DNAH11: variants seen among roughly 807,000 people sequenced by gnomAD.
The protein encoded by DNAH11 is dynein axonemal heavy chain 11, also known as axonemal beta dynein heavy chain 11.
In DNAH11, 442 loss-of-function variants were observed where a neutral mutation model predicts 526.0. The ratio of observed to expected loss-of-function variants is 0.84; its 90% CI spans 0.78 to 0.91. The LOEUF is 0.91. DNAH11 is among the 40% of genes least tolerant of loss of function. The pLI, the probability that DNAH11 is intolerant of heterozygous loss-of-function variation, is 0.00. For synonymous variants in DNAH11, 2,461 were observed against 1,935.9 expected (o/e 1.27, Z -7.12); for missense variants, 6,989 against 5,448.7 (o/e 1.28, Z -8.90).
intron 30 of DNAH11, among the ~76,000 whole-genome samples, chr7:21,674,817 T>G (rs911396533): frequency 6.6e-6 from 1 of 151,834 alleles, no homozygotes; most frequent in African/African-American, 2.4e-5. Flanking sequence ...CAGTGCACAT[T>G]AGCTCTTCTC....
chr7:21,765,579 A>C lies in DNAH11; in HGVS notation c.9092A>C (p.Lys3031Thr). Reference protein sequence around the residue: ...SVSRRFIEETKGIEPVHKDSI... With the variant: ...SVSRRFIEETTGIEPVHKDSI... Reference sequence around the variant, plus strand: ...AGCAGGAGGTTCATTGAGGAAACCAAGGGAATTGAGGTATGCCGTGTCAGC... The same window carrying C: ...AGCAGGAGGTTCATTGAGGAAACCACGGGAATTGAGGTATGCCGTGTCAGC... The change falls in exon 55 of 82, where the codon AAG (lysine) becomes ACG (threonine). Residue 3031 changes from lysine (K) to threonine (T), a missense_variant. Coordinates refer to ENST00000409508, the MANE Select transcript of DNAH11 (RefSeq NM_001277115.2). The C allele has an allele frequency of 6.4e-7, 1 of 1,559,536 alleles. No homozygotes were observed. Among genetic ancestry groups the C allele is most frequent in the East Asian group, 2.3e-5 (1 of 43,246 alleles).
At chr7:21,570,523 C>G in intron 7 of DNAH11, 1 of 412,014 alleles carries the variant, frequency 2.4e-6, no homozygotes, top group Non-Finnish European at 4.3e-6. Context: ...TCCATTATTA[C>G]ATTGAGTATA....
At chr7:21,578,416 G>T (rs188502639) in intron 8 of DNAH11, among the ~76,000 whole-genome samples, 8 of 152,196 alleles carry the variant, frequency 5.3e-5, no homozygotes, top group Non-Finnish European at 1.2e-4. Context: ...TATAAGAGGT[G>T]GGCTTCCAAG....
At position 21,842,598 on chromosome 7, in the gene DNAH11, C is replaced by G. The variant is rs1180673603; in HGVS notation, c.10746C>G (p.Ile3582Met). ...AATTTAACAAGAACTTTCGCCTTATCCTTCACACAAAATTGGCAAATCCTC... is the reference window on the plus strand; with the variant it reads ...AATTTAACAAGAACTTTCGCCTTATGCTTCACACAAAATTGGCAAATCCTC... The part of the protein sequence containing the change: ...ECEFNKNFRL[I>M]LHTKLANPHY... The change falls in exon 66 of 82, where the codon ATC becomes ATG. Residue 3582 changes from isoleucine to methionine, a missense_variant. By Grantham distance (10) the Ile-to-Met change is conservative. Coordinates refer to ENST00000409508, the MANE Select transcript of DNAH11 (RefSeq NM_001277115.2). 4 of 1,613,848 alleles carry G rather than the reference C, an allele frequency of 2.5e-6. No individual in the cohort carries two copies. Among genetic ancestry groups the G allele is most frequent in the Admixed American group, 3.3e-5 (2 of 60,012 alleles).
At chr7:21,806,446 G>C (rs887422055) in intron 62 of DNAH11, among the ~76,000 whole-genome samples, 27 of 152,122 alleles carry the variant, frequency 1.8e-4, no homozygotes, top group African/African-American at 6.5e-4. Flanking sequence ...AGTTAACTTG[G>C]GGTGATCTTT....
At chr7:21,641,072 A>T (rs569843514) in intron 28 of DNAH11, among the ~76,000 whole-genome samples, 33 of 152,264 alleles carry the variant, frequency 2.2e-4, no homozygotes, top group South Asian at 2.1e-3. Context: ...AGCCACCCCC[A>T]CTTTAATCCT....
chr7:21,859,573 T>C lies in DNAH11; in HGVS notation c.11203-2280T>C, dbSNP rs541347217. On this transcript the variant is annotated intron_variant, in intron 68 of 81. Transcript: ENST00000409508. Reference sequence around the variant, plus strand: ...AAGCTATACTTTGTTAATGCCTTCTTACCAATGTTTACTGTATATATCTGT... The same window carrying C: ...AAGCTATACTTTGTTAATGCCTTCTCACCAATGTTTACTGTATATATCTGT... Among the ~76,000 whole-genome samples the C allele has an allele frequency of 1.7e-4, 26 of 152,334 alleles. 2 individuals carry two copies. The highest frequency in any genetic ancestry group is 1.7e-3 in the South Asian group (8 of 4,820).
At chr7:21,891,798 G>A (rs2128047275) in intron 76 of DNAH11, among the ~76,000 whole-genome samples, 1 of 152,292 alleles carries the variant, frequency 6.6e-6, no homozygotes, top group South Asian at 2.1e-4. Flanking sequence ...AAAGTCCTGG[G>A]AAGGTAGGAT....
Position 21,644,338 on chromosome 7 carries a change from T to G in DNAH11, c.4944+5273T>G, listed in dbSNP as rs114685922. ...GTAAAAGTGTCTCAGCATATGAATT[T>G]TAAGAGGATGGAGCTCAATAATCAT... On this transcript the variant is annotated intron_variant, in intron 28 of 81. Transcript: ENST00000409508. 2.8e-3 allele frequency among the ~76,000 whole-genome samples: 419 copies of G among 152,264 alleles called. 2 individuals are homozygous for G. Among genetic ancestry groups the G allele is most frequent in the African/African-American group, 9.7e-3 (403 of 41,558 alleles).
rs1271974995 is a variant in DNAH11, at chr7:21,808,034, C to G, written c.10317C>G (p.Pro3439=). The change falls in exon 63 of 82, where the codon CCC becomes CCG. Residue 3439 remains proline, a synonymous_variant. Transcript: ENST00000409508. ...RQELVHCKWV[P]FLQQKVSIPL... is the part of the protein sequence containing the mutation. ...AGCTGGTGCACTGCAAGTGGGTTCC[C>G]TTTCTTCAACAGAAGGTAAGTTCAG... 9 of 1,541,030 alleles carry G rather than the reference C, an allele frequency of 5.8e-6. No homozygotes were observed. Among genetic ancestry groups the G allele is most frequent in the Admixed American group, 5.4e-5 (3 of 55,566 alleles).
chr7:21,621,437 A>G (rs1459886185), intron 25 of DNAH11, among the ~76,000 whole-genome samples: 3 of 152,160 alleles, frequency 2.0e-5, no homozygotes, highest in East Asian at 3.8e-4. Flanking sequence ...ATTCCAATCA[A>G]TAGAAAAAGA....
chr7:21,702,321 C>A (rs369092909), intron 36 of DNAH11, among the ~76,000 whole-genome samples: 21 of 152,132 alleles, frequency 1.4e-4, no homozygotes, highest in African/African-American at 5.1e-4. Context: ...AAGTAGAATA[C>A]CAGGGCCCTT....
chr7:21,893,759 T>C lies in DNAH11; in HGVS notation c.12751-864T>C, dbSNP rs1014056705. Among the ~76,000 whole-genome samples, 3 of 152,220 alleles carry C rather than the reference T, an allele frequency of 2.0e-5. No individual in the cohort carries two copies. The South Asian group carries it at 6.2e-4, about 32-fold the overall frequency. On this transcript the variant is annotated intron_variant, in intron 77 of 81. Transcript: ENST00000409508. ...AGCAACAATTACAGAAGATAGAAGT[T>C]TCTTTGTTAAAAATGTTGATGTAAA... is the stretch of plus-strand genomic sequence containing the variant.
chr7:21,660,167 A>G (rs565340205), intron 30 of DNAH11, among the ~76,000 whole-genome samples: 1 of 152,192 alleles, frequency 6.6e-6, no homozygotes, highest in Admixed American at 6.6e-5. Flanking sequence ...TTTCATGGAC[A>G]TAAATAACTG....
intron 31 of DNAH11, among the ~76,000 whole-genome samples, chr7:21,682,057 T>G (rs1405410523): frequency 6.6e-6 from 1 of 152,198 alleles, no homozygotes; most frequent in Non-Finnish European, 1.5e-5. Flanking sequence ...TGTATGTGAT[T>G]TAAACCATGT....
intron 8 of DNAH11, among the ~76,000 whole-genome samples, chr7:21,578,606 C>T (rs1420828529): frequency 6.6e-6 from 1 of 152,158 alleles, no homozygotes; most frequent in Non-Finnish European, 1.5e-5. Context: ...TAGGTAGTAC[C>T]CCAGTGGGGA....
At chr7:21,750,165 T>A (rs887931896) in intron 53 of DNAH11, 57 bp from the exon 54 acceptor site, 1 of 1,502,080 alleles carries the variant, frequency 6.7e-7, no homozygotes, top group Non-Finnish European at 8.9e-7. Flanking sequence ...TTAAAAGTTA[T>A]ATGTAAAATT....
At chr7:21,856,367 T>C (rs4719678) in intron 68 of DNAH11, among the ~76,000 whole-genome samples, 1 of 151,960 alleles carries the variant, frequency 6.6e-6, no homozygotes, top group South Asian at 2.1e-4. Context: ...CAAGCATAAC[T>C]AGCAGGTTTC....
chr7:21,856,251 A>G (rs527977604), intron 68 of DNAH11, among the ~76,000 whole-genome samples: 8 of 152,332 alleles, frequency 5.3e-5, no homozygotes, highest in Admixed American at 4.6e-4. Flanking sequence ...TGATGTGATG[A>G]CAAAAGACTC....
Sources: allele counts gnomAD v4.1 joint callset (sites outside exome capture counted in the v4.1 genomes callset), GRCh38; gene constraint gnomAD v4.1.1; transcripts MANE v1.5; gene names NCBI Gene and HGNC (gene_info 2026-07-23, HGNC 2026-07-21).